CMTM2: variants seen among roughly 807,000 people sequenced by gnomAD.
CMTM2 encodes CKLF like MARVEL transmembrane domain containing 2.
CMTM2 carries 15 observed loss-of-function variants against 16.8 expected under a neutral mutation model. The ratio of observed to expected loss-of-function variants is 0.89; its 90% CI spans 0.60 to 1.37. CMTM2 has a LOEUF of 1.37. Ranked by LOEUF, CMTM2 falls within the 40% of genes most tolerant of loss-of-function variation. The pLI, the probability that CMTM2 is intolerant of heterozygous loss-of-function variation, is 0.00. For synonymous variants in CMTM2, 117 were observed against 118.7 expected, an observed-to-expected ratio of 0.99 and a Z score of 0.09; for missense variants, 282 against 318.0, an observed-to-expected ratio of 0.89 and a Z score of 0.86.
chr16:66,583,824 A>T (rs1202169506), intron 2 of CMTM2, among the ~76,000 whole-genome samples: 1 of 152,228 alleles, frequency 6.6e-6, no homozygotes, highest in Non-Finnish European at 1.5e-5. Context: ...ACCCAACAAG[A>T]TATCAGATTT....
At position 66,579,648 on chromosome 16, in the gene CMTM2, C is replaced by A; in HGVS notation, c.41C>A (p.Ala14Glu). The change falls in exon 1 of 4, where the codon GCA (alanine) becomes GAA (glutamate). Residue 14 changes from alanine to glutamate, a missense_variant. Ala to Glu is a moderately radical substitution (Grantham distance 107). Coordinates refer to ENST00000268595, the MANE Select transcript of CMTM2 (RefSeq NM_144673.3). The surrounding 1 kb of genome is among the most constrained non-coding windows in gnomAD (Gnocchi z 6.5). The stretch of plus-strand genomic sequence containing the variant: ...GCAAAGGGGGCCAAGCCAGAGCCAG[C>A]ACCAGCTCCACCTCCACCCGGGGCC... ...KAAKGAKPEP[A>E]PAPPPPGAKP... is the part of the protein sequence containing the mutation. 1.2e-6 allele frequency: 2 copies of A among 1,613,896 alleles called. No individual in the cohort carries two copies. Among genetic ancestry groups the A allele is most frequent in the Non-Finnish European group, 8.5e-7 (1 of 1,179,996 alleles).
Position 66,588,213 on chromosome 16 carries a change from T to C in CMTM2, c.*94T>C. 2 of 1,204,892 alleles carry C rather than the reference T, an allele frequency of 1.7e-6. No homozygotes were observed. The highest frequency in any genetic ancestry group is 2.7e-5 in the South Asian group (2 of 73,110). 74.6% of individuals were successfully genotyped at this position (1,204,892 alleles called of 1,614,324 possible). Reference sequence around the variant, plus strand: ...TGTCTTCTTTCTGGAATGGTTTTCTTTTCCATTTTCATTACCACCTTTGCT... The same window carrying C: ...TGTCTTCTTTCTGGAATGGTTTTCTCTTCCATTTTCATTACCACCTTTGCT... On this transcript the variant is annotated 3_prime_UTR_variant, in exon 4 of 4. Transcript: ENST00000268595.
intron 2 of CMTM2, among the ~76,000 whole-genome samples, chr16:66,585,228 G>A (rs12924857): frequency 6.6e-6 from 1 of 152,192 alleles, no homozygotes; most frequent in African/African-American, 2.4e-5. Context: ...TTACAGGCGT[G>A]AGCCACTGCG....
rs960608636 is a variant in CMTM2 at position 66,579,504 on chromosome 16, C to T, written c.-104C>T. ...AGTTAGCTGAGCACGCCCTCTGAGC[C>T]GCTCGGTGGACACCAGGCACTCTAG... is the stretch of plus-strand genomic sequence containing the variant. On this transcript the variant is annotated 5_prime_UTR_variant, in exon 1 of 4. Coordinates refer to ENST00000268595, the MANE Select transcript of CMTM2 (RefSeq NM_144673.3). This position sits in a 1 kb window ranked among gnomAD's most constrained non-coding sequence, Gnocchi z 6.5. 1.6e-4 allele frequency: 234 copies of T among 1,432,924 alleles called. No individual in the cohort carries two copies. Among genetic ancestry groups the T allele is most frequent in the Non-Finnish European group, 2.1e-4 (223 of 1,055,470 alleles). The allele number at this position is 1,432,924 out of a possible 1,614,324, so 88.8% of individuals were successfully genotyped here.
chr16:66,588,211 C>G lies in CMTM2; in HGVS notation c.*92C>G. The G allele has an allele frequency of 8.1e-7, 1 of 1,235,984 alleles. No homozygotes were observed. The highest frequency in any genetic ancestry group is 1.1e-6 in the Non-Finnish European group (1 of 879,064). 76.6% of individuals were successfully genotyped at this position (1,235,984 alleles called of 1,614,324 possible). A position where few individuals can be genotyped will look rare whatever the true frequency, so the allele number is the denominator to read the frequency against. On this transcript the variant is annotated 3_prime_UTR_variant, in exon 4 of 4. Coordinates refer to ENST00000268595, the MANE Select transcript of CMTM2 (RefSeq NM_144673.3). ...CTTGTCTTCTTTCTGGAATGGTTTTCTTTTCCATTTTCATTACCACCTTTG... is the reference window on the plus strand; with the variant it reads ...CTTGTCTTCTTTCTGGAATGGTTTTGTTTTCCATTTTCATTACCACCTTTG...
chr16:66,583,931 G>A (rs777802728), intron 2 of CMTM2, among the ~76,000 whole-genome samples: 4 of 152,286 alleles, frequency 2.6e-5, no homozygotes, highest in African/African-American at 7.2e-5. Context: ...AAAATCATAC[G>A]TTGAGGCCCT....
intron 2 of CMTM2, chr16:66,586,772 G>A (rs528532013): frequency 6.7e-5 from 36 of 536,118 alleles, no homozygotes; most frequent in African/African-American, 5.7e-4. Context: ...GCTTCAGCAC[G>A]AGGGCATTTT....
chr16:66,587,830 A>G, intron 3 of CMTM2, 89 bp from the exon 4 acceptor site: 1 of 1,313,110 alleles, frequency 7.6e-7, no homozygotes, highest in Non-Finnish European at 1.1e-6. Context: ...TGTGTGAAAC[A>G]GCACCCCCTG....
chr16:66,580,067 C>A lies in CMTM2; in HGVS notation c.327C>A (p.Thr109=). ...IAAMILLSSL[T]VHPILRLIIT... is the part of the protein sequence containing the mutation. ...CAATGATACTGTTGTCCTCACTCAC[C>A]GTGCACCCCATCTTGAGGCTTATCA... Residue 109 remains threonine (T), a synonymous_variant, in exon 2 of 4, where the codon ACC becomes ACA. Transcript: ENST00000268595. 1 of 1,614,208 alleles carries A rather than the reference C, an allele frequency of 6.2e-7. No individual in the cohort carries two copies. Among genetic ancestry groups the A allele is most frequent in the Admixed American group, 1.7e-5 (1 of 60,024 alleles).
At chr16:66,582,255 T>C (rs2014744125) in intron 2 of CMTM2, among the ~76,000 whole-genome samples, 1 of 152,060 alleles carries the variant, frequency 6.6e-6, no homozygotes, top group South Asian at 2.1e-4. Context: ...GTTATTGAAA[T>C]AAAAATGTCA....
intron 2 of CMTM2, among the ~76,000 whole-genome samples, chr16:66,586,679 T>G (rs2014796756): frequency 6.6e-6 from 1 of 151,446 alleles, no homozygotes; most frequent in South Asian, 2.1e-4. Flanking sequence ...AATAAATGAG[T>G]ATTAGTGGGA....
At chr16:66,586,774 G>C in intron 2 of CMTM2, 1 of 541,000 alleles carries the variant, frequency 1.8e-6, no homozygotes, top group South Asian at 2.3e-5. Flanking sequence ...TTCAGCACGA[G>C]GGCATTTTAG....
chr16:66,587,078 C>T lies in CMTM2; in HGVS notation c.526C>T (p.Leu176Phe). The change falls in exon 3 of 4, where the codon CTC becomes TTC. Residue 176 changes from leucine to phenylalanine, a missense_variant. Leu to Phe is a conservative substitution (Grantham distance 22). Transcript: ENST00000268595. ...TGTGAGAAGTCGGCGATCCATGAAT[C>T]TCCACTACTTACTTGCTGTGGTGAG... Reference protein sequence around the residue: ...FAVRSRRSMNLHYLLAVILIG... With the variant: ...FAVRSRRSMNFHYLLAVILIG... The T allele has an allele frequency of 6.2e-7, 1 of 1,614,018 alleles. No homozygotes were observed. The highest frequency in any genetic ancestry group is 2.2e-5 in the East Asian group (1 of 44,878).
rs564294092 is a variant in CMTM2 at position 66,587,815 on chromosome 16, G to A, written c.547-104G>A. The A allele has an allele frequency of 9.3e-4, 1,056 of 1,134,936 alleles. 1 individual carries two copies. The highest frequency in any genetic ancestry group is 5.0e-3 in the Middle Eastern group (17 of 3,396). 70.3% of individuals were successfully genotyped at this position (1,134,936 alleles called of 1,614,324 possible). ...GATGGTTGACATTTGAGGGGACATG[G>A]GGGATGTGTGAAACAGCACCCCCTG... On this transcript the variant is annotated intron_variant, in intron 3 of 3. Coordinates refer to ENST00000268595, the MANE Select transcript of CMTM2 (RefSeq NM_144673.3).
At chr16:66,583,710 A>G (rs1251932540) in intron 2 of CMTM2, among the ~76,000 whole-genome samples, 1 of 152,216 alleles carries the variant, frequency 6.6e-6, no homozygotes, top group Admixed American at 6.5e-5. Context: ...ATTAATCTAT[A>G]AATTAAATAA....
In CMTM2 at chr16:66,583,615, G is replaced by A. The variant is rs2014759628; in HGVS notation, c.445-3382G>A. On this transcript the variant is annotated intron_variant, in intron 2 of 3. Coordinates refer to ENST00000268595, the MANE Select transcript of CMTM2 (RefSeq NM_144673.3). ...ATAGAGATTATAAGACTTTAGTAAT[G>A]GACATCAAAGGAAAATGTAAATAGA... Among the ~76,000 whole-genome samples the A allele has an allele frequency of 2.0e-5, 3 of 152,090 alleles. No individual in the cohort carries two copies. In the South Asian group the frequency reaches 6.2e-4, roughly 31 times the overall value.
chr16:66,580,458 C>G (rs2014713011), intron 2 of CMTM2: 1 of 430,408 alleles, frequency 2.3e-6, no homozygotes. Context: ...CCTTTGTTCT[C>G]TTTAGGGGAA....
Position 66,588,214 on chromosome 16 carries a change from T to A in CMTM2, c.*95T>A. 2 of 1,205,768 alleles carry A rather than the reference T, an allele frequency of 1.7e-6. No homozygotes were observed. The highest frequency in any genetic ancestry group is 2.7e-5 in the South Asian group (2 of 73,114). The allele number at this position is 1,205,768 out of a possible 1,614,324, so 74.7% of individuals were successfully genotyped here. On this transcript the variant is annotated 3_prime_UTR_variant, in exon 4 of 4. Transcript: ENST00000268595. ...GTCTTCTTTCTGGAATGGTTTTCTT[T>A]TCCATTTTCATTACCACCTTTGCTT...
intron 2 of CMTM2, among the ~76,000 whole-genome samples, chr16:66,586,435 C>T (rs904908964): frequency 4.0e-5 from 6 of 151,896 alleles, no homozygotes; most frequent in African/African-American, 7.3e-5. Flanking sequence ...TCCAGGAGTT[C>T]GAGACCAGCC....
Sources: allele counts gnomAD v4.1 joint callset (sites outside exome capture counted in the v4.1 genomes callset), GRCh38; gene constraint gnomAD v4.1.1; non-coding constraint Gnocchi (gnomAD v3.1); transcripts MANE v1.5; gene names NCBI Gene and HGNC (gene_info 2026-07-23, HGNC 2026-07-21).